Variants in CACNA2D4 observed in about 807,000 individuals in gnomAD.
The protein encoded by CACNA2D4 is calcium voltage-gated channel auxiliary subunit alpha2delta 4.
Under a neutral mutation model 163.8 loss-of-function variants are expected in CACNA2D4, and 157 were observed. The observed-to-expected ratio is 0.96, with a 90% CI of 0.84 to 1.09. CACNA2D4 has a LOEUF of 1.09. CACNA2D4 is among the 50% of genes least tolerant of loss of function. The pLI is 0.00. For synonymous variants in CACNA2D4, 598 were observed against 586.9 expected, an observed-to-expected ratio of 1.02 and a Z score of -0.27; for missense variants, 1,410 against 1,479.9, an observed-to-expected ratio of 0.95 and a Z score of 0.78.
rs1864794576 is a variant in CACNA2D4, at chr12:1,834,974, A to G, written c.2551+5765T>C. 1.6e-6 allele frequency: 1 copy of G among 614,258 alleles called. No individual in the cohort carries two copies. Among genetic ancestry groups the G allele is most frequent in the Non-Finnish European group, 2.7e-6 (1 of 376,962 alleles). The allele number at this position is 614,258 out of a possible 1,614,324, so 38.1% of individuals were successfully genotyped here. ...TTTGGAACATGTGGGGGATCTCCCTAAGCTCTGGCCACAGCAAAGCAAGGA... is the reference window on the plus strand; with the variant it reads ...TTTGGAACATGTGGGGGATCTCCCTGAGCTCTGGCCACAGCAAAGCAAGGA... On this transcript the variant is annotated intron_variant, in intron 26 of 37. Coordinates refer to ENST00000382722, the MANE Select transcript of CACNA2D4 (RefSeq NM_172364.5). This position sits in a 1 kb window ranked among gnomAD's most constrained non-coding sequence, Gnocchi z 7.6.
At chr12:1,854,188 G>A (rs1865350427) in intron 22 of CACNA2D4, 144 bp from the exon 23 acceptor site, 7 of 557,512 alleles carry the variant, frequency 1.3e-5, no homozygotes, top group Non-Finnish European at 1.8e-5. Context: ...GCTTGAGGGA[G>A]CTGCCTCACC....
intron 6 of CACNA2D4, among the ~76,000 whole-genome samples, chr12:1,904,389 A>C (rs1028726967): frequency 9.8e-6 from 1 of 101,688 alleles, no homozygotes; most frequent in African/African-American, 4.0e-5. Context: ...TGTTTGTAAC[A>C]CAAAGGATAA....
chr12:1,918,340 G>A lies in CACNA2D4; in HGVS notation c.134C>T (p.Ala45Val), dbSNP rs1867046839. The A allele has an allele frequency of 1.9e-6, 3 of 1,609,152 alleles. No homozygotes were observed. Among genetic ancestry groups the A allele is most frequent in the Non-Finnish European group, 2.5e-6 (3 of 1,177,758 alleles). The part of the protein sequence containing the change: ...IPLQPMPVAW[A>V]FVQKTSALLW... ...GAGGGCCGAGGTCTTCTGCACAAAG[G>A]CCCAGGCCACGGGCATTGGCTGGAG... Residue 45 changes from alanine (A) to valine (V), a missense_variant, in exon 1 of 38, where the codon GCC becomes GTC. Transcript: ENST00000382722.
intron 6 of CACNA2D4, among the ~76,000 whole-genome samples, chr12:1,899,287 A>G (rs1866484088): frequency 6.6e-6 from 1 of 152,038 alleles, no homozygotes; most frequent in Non-Finnish European, 1.5e-5. Flanking sequence ...AAATAAACCC[A>G]AAGAAAGGGA....
At chr12:1,809,424 G>C in intron 29 of CACNA2D4, 1 of 652,322 alleles carries the variant, frequency 1.5e-6, no homozygotes, top group Non-Finnish European at 2.7e-6. Context: ...AGCTCACACA[G>C]AACCAAATAC....
Position 1,875,371 on chromosome 12 carries a change from G to T in CACNA2D4, c.1720-34C>A. The T allele has an allele frequency of 1.5e-6, 2 of 1,297,572 alleles. No homozygotes were observed. Among genetic ancestry groups the T allele is most frequent in the Non-Finnish European group, 2.2e-6 (2 of 891,212 alleles). The allele number at this position is 1,297,572 out of a possible 1,614,324, so 80.4% of individuals were successfully genotyped here. ...GGCAGGTCAGGAAGAAAAACATGTG[G>T]TCAGTATACGTCCTGCTCAAGTTTA... On this transcript the variant is annotated intron_variant, in intron 16 of 37. Transcript: ENST00000382722. This position sits in a 1 kb window ranked among gnomAD's most constrained non-coding sequence, Gnocchi z 4.0.
chr12:1,829,013 G>C lies in CACNA2D4; in HGVS notation c.2551+11726C>G, dbSNP rs138256776. Among the ~76,000 whole-genome samples the C allele has an allele frequency of 1.3e-5, 2 of 152,184 alleles. No homozygotes were observed. Among genetic ancestry groups the C allele is most frequent in the Non-Finnish European group, 2.9e-5 (2 of 68,026 alleles). On this transcript the variant is annotated intron_variant, in intron 26 of 37. Transcript: ENST00000382722. This position sits in a 1 kb window ranked among gnomAD's most constrained non-coding sequence, Gnocchi z 4.2. The stretch of plus-strand genomic sequence containing the variant: ...CCCGCTCTGATCCAGCACCCAACAC[G>C]GGCAGCCTGAATTATTCACCATGTG...
chr12:1,890,569 C>T (rs1866256459), intron 6 of CACNA2D4, among the ~76,000 whole-genome samples: 1 of 152,210 alleles, frequency 6.6e-6, no homozygotes, highest in South Asian at 2.1e-4. Flanking sequence ...TCGCCAGCCG[C>T]CTGCATCTGG....
intron 9 of CACNA2D4, among the ~76,000 whole-genome samples, chr12:1,885,759 C>G (rs953703001): frequency 1.3e-5 from 2 of 152,196 alleles, no homozygotes; most frequent in Admixed American, 6.5e-5. Context: ...TATGAGGTCT[C>G]TATCTGCTCA....
intron 4 of CACNA2D4, among the ~76,000 whole-genome samples, chr12:1,908,959 G>A (rs1372559240): frequency 2.0e-5 from 3 of 151,914 alleles, no homozygotes; most frequent in African/African-American, 7.3e-5. Flanking sequence ...ACGACACTGT[G>A]GCCCGCGCTG....
intron 26 of CACNA2D4, among the ~76,000 whole-genome samples, chr12:1,840,533 G>C (rs1237184712): frequency 6.6e-6 from 1 of 152,160 alleles, no homozygotes; most frequent in Non-Finnish European, 1.5e-5. Context: ...GCTTCATTTT[G>C]CTCACTTCGT....
Position 1,854,042 on chromosome 12 carries a change from C to T in CACNA2D4, c.2155G>A (p.Asp719Asn). Residue 719 changes from aspartate (D) to asparagine (N), a missense_variant and splice_region_variant, in exon 23 of 38, where the codon GAC becomes AAC. Transcript: ENST00000382722. ...LTRKDPDLEC[D>N]EELVREVLFD... The stretch of plus-strand genomic sequence containing the variant: ...AGCACCTCCCGGACCAGCTCCTCGT[C>T]ACCTGGGTGCAAAACATCAGGGAAC... 1.2e-6 allele frequency: 2 copies of T among 1,606,974 alleles called. No homozygotes were observed. Among genetic ancestry groups the T allele is most frequent in the South Asian group, 1.1e-5 (1 of 89,924 alleles).
chr12:1,810,472 TGG>T, intron 28 of CACNA2D4, 69 bp downstream of exon 28: 1 of 1,289,794 alleles, frequency 7.8e-7, no homozygotes. Flanking sequence ...AGAGGGAAGC[TGG>T]CCTGCCAGGA....
At chr12:1,857,082 C>G (rs1865417005) in intron 20 of CACNA2D4, among the ~76,000 whole-genome samples, 1 of 152,190 alleles carries the variant, frequency 6.6e-6, no homozygotes, top group Non-Finnish European at 1.5e-5. Flanking sequence ...CTGGGAATAT[C>G]TGGGCAGAGG....
intron 4 of CACNA2D4, 33 bp from the exon 5 acceptor site, chr12:1,908,070 C>T: frequency 6.3e-7 from 1 of 1,587,956 alleles, no homozygotes; most frequent in Non-Finnish European, 8.6e-7. Flanking sequence ...ACGGAGGCGG[C>T]CCGAGCACCG....
chr12:1,795,306 T>C lies in CACNA2D4; in HGVS notation c.3302A>G (p.His1101Arg), dbSNP rs771041186. 5.6e-6 allele frequency: 9 copies of C among 1,613,176 alleles called. No homozygotes were observed. Among genetic ancestry groups the C allele is most frequent in the African/African-American group, 1.3e-5 (1 of 75,034 alleles). ...ATCCGCCTCAACCCGCACCTCTGGA[T>C]GGAAGGCGTGGCAGGAGTCTGGTCG... ...RRRPDSCHAF[H>R]PEENAQDCGG... The change falls in exon 37 of 38, where the codon CAT (histidine) becomes CGT (arginine). Residue 1101 changes from histidine (H) to arginine (R), a missense_variant. Physicochemically the swap from His to Arg is conservative, Grantham distance 29. Transcript: ENST00000382722.
At chr12:1,809,673 A>G in intron 29 of CACNA2D4, 1 of 653,006 alleles carries the variant, frequency 1.5e-6, no homozygotes. Flanking sequence ...GTTCAGGGAG[A>G]TACCCACAGC....
intron 26 of CACNA2D4, 135 bp from the exon 27 acceptor site, chr12:1,811,858 A>T: frequency 3.7e-5 from 26 of 705,662 alleles, no homozygotes; most frequent in East Asian, 1.3e-4. Flanking sequence ...ACTGAGTCAG[A>T]GGGCAGAGTG....
At chr12:1,904,743 G>A (rs1027962608) in intron 6 of CACNA2D4, among the ~76,000 whole-genome samples, 2 of 151,774 alleles carry the variant, frequency 1.3e-5, no homozygotes, top group African/African-American at 4.8e-5. Context: ...AATAACTATA[G>A]AATACATATA....
Sources: allele counts gnomAD v4.1 joint callset (sites outside exome capture counted in the v4.1 genomes callset), GRCh38; gene constraint gnomAD v4.1.1; non-coding constraint Gnocchi (gnomAD v3.1); transcripts MANE v1.5; gene names NCBI Gene and HGNC (gene_info 2026-07-23, HGNC 2026-07-21).